LEMD3: variants seen among roughly 807,000 people sequenced by gnomAD.
LEMD3 encodes inner nuclear membrane protein Man1.
Under a neutral mutation model 95.2 loss-of-function variants are expected in LEMD3, and 33 were observed. The observed-to-expected ratio is 0.35, with a 90% confidence interval of 0.26 to 0.46. LEMD3 has a LOEUF of 0.46. LEMD3 is among the 20% of genes least tolerant of loss of function. The pLI, the probability that LEMD3 is intolerant of heterozygous loss-of-function variation, is 1.00. For missense variants in LEMD3, 1,210 were observed against 1,192.8 expected, an observed-to-expected ratio of 1.01 and a Z score of -0.21; for synonymous variants, 525 against 474.6, an observed-to-expected ratio of 1.11 and a Z score of -1.38.
At chr12:65,183,515 G>T (rs1356998592) in intron 1 of LEMD3, among the ~76,000 whole-genome samples, 2 of 152,152 alleles carry the variant, frequency 1.3e-5, no homozygotes, top group Non-Finnish European at 2.9e-5. Context: ...ATTTTCAGAA[G>T]ATCTTTGTAA....
intron 1 of LEMD3, among the ~76,000 whole-genome samples, chr12:65,192,995 TAAGTTAA>T (rs1268720260): frequency 6.6e-6 from 1 of 152,188 alleles, no homozygotes; most frequent in Non-Finnish European, 1.5e-5. Context: ...GCAAGAATCT[TAAGTTAA>T]ATACATGTTT....
In LEMD3 at chr12:65,170,375, A is replaced by C; in HGVS notation, c.779A>C (p.Asp260Ala). 1.9e-6 allele frequency: 3 copies of C among 1,613,672 alleles called. No homozygotes were observed. The highest frequency in any genetic ancestry group is 2.5e-6 in the Non-Finnish European group (3 of 1,179,830). ...VPYSCRENYS[D>A]SEEEDDDDVA... ...TACAGCTGCCGGGAAAACTATTCGG[A>C]CTCAGAGGAAGAGGACGACGACGAC... Residue 260 changes from aspartate to alanine, a missense_variant, in exon 1 of 13, where the codon GAC (aspartate) becomes GCC (alanine). This residue lies in a region of LEMD3 where 749 missense variants were observed against 622.9 expected (regional missense o/e 1.20). Coordinates refer to ENST00000308330, the MANE Select transcript of LEMD3 (RefSeq NM_014319.5).
chr12:65,225,086 A>C (rs1870407707), intron 4 of LEMD3, among the ~76,000 whole-genome samples: 1 of 152,114 alleles, frequency 6.6e-6, no homozygotes, highest in Non-Finnish European at 1.5e-5. Context: ...CTGGGTTTTA[A>C]AAATATTTTC....
intron 4 of LEMD3, among the ~76,000 whole-genome samples, chr12:65,237,824 G>A (rs1332436810): frequency 6.6e-6 from 1 of 152,154 alleles, no homozygotes; most frequent in East Asian, 1.9e-4. Flanking sequence ...TTAGTTGATA[G>A]GCTTACTGCT....
intron 1 of LEMD3, among the ~76,000 whole-genome samples, chr12:65,209,828 G>A (rs1869884484): frequency 6.6e-6 from 1 of 151,898 alleles, no homozygotes; most frequent in Admixed American, 6.6e-5. Flanking sequence ...GCAGTTCCTG[G>A]TTCCTATGGG....
intron 3 of LEMD3, among the ~76,000 whole-genome samples, chr12:65,217,678 G>T (rs1288646384): frequency 1.3e-5 from 2 of 152,146 alleles, no homozygotes; most frequent in African/African-American, 4.8e-5. Flanking sequence ...AAAAAGCCCT[G>T]AATTCGCTTC....
At chr12:65,222,562 T>C (rs931779493) in intron 4 of LEMD3, among the ~76,000 whole-genome samples, 2 of 152,158 alleles carry the variant, frequency 1.3e-5, no homozygotes, top group African/African-American at 4.8e-5. Flanking sequence ...ATTTTTTTCT[T>C]AGTCTAGTTA....
At chr12:65,201,019 G>A (rs1040749410) in intron 1 of LEMD3, among the ~76,000 whole-genome samples, 3 of 152,142 alleles carry the variant, frequency 2.0e-5, no homozygotes, top group African/African-American at 7.2e-5. Context: ...TTGCATGTGA[G>A]TATCCAGGTG....
At chr12:65,204,883 T>C (rs1355641562) in intron 1 of LEMD3, among the ~76,000 whole-genome samples, 3 of 152,160 alleles carry the variant, frequency 2.0e-5, no homozygotes, top group Non-Finnish European at 4.4e-5. Context: ...TAATGTGGAA[T>C]TAGTGCTTGA....
chr12:65,220,196 C>T (rs1870240985), intron 4 of LEMD3, among the ~76,000 whole-genome samples: 1 of 152,160 alleles, frequency 6.6e-6, no homozygotes, highest in Non-Finnish European at 1.5e-5. Context: ...TTCTGCCTAT[C>T]CTTAACACTT....
At position 65,197,682 on chromosome 12, in the gene LEMD3, C is replaced by T. The variant is rs555736207; in HGVS notation, c.1523-13244C>T. ...ATATATATCAGTTTTAAGCACATTTCTCATAAAGTCAATGACGGGAACTTC... is the reference window on the plus strand; with the variant it reads ...ATATATATCAGTTTTAAGCACATTTTTCATAAAGTCAATGACGGGAACTTC... On this transcript the variant is annotated intron_variant, in intron 1 of 12. Transcript: ENST00000308330. Among the ~76,000 whole-genome samples the T allele has an allele frequency of 1.1e-3, 164 of 152,170 alleles. 1 individual carries two copies. Among genetic ancestry groups the T allele is most frequent in the Non-Finnish European group, 1.8e-3 (125 of 67,968 alleles).
intron 4 of LEMD3, among the ~76,000 whole-genome samples, chr12:65,233,565 A>T (rs1870690800): frequency 6.6e-6 from 1 of 152,152 alleles, no homozygotes; most frequent in South Asian, 2.1e-4. Context: ...AATTAATTTT[A>T]AAAGGTGCCA....
chr12:65,207,183 T>A (rs1315314761), intron 1 of LEMD3, among the ~76,000 whole-genome samples: 1 of 152,186 alleles, frequency 6.6e-6, no homozygotes, highest in Non-Finnish European at 1.5e-5. Context: ...CATAATTTCC[T>A]TTTTATTCAA....
At chr12:65,178,741 T>C (rs545877809) in intron 1 of LEMD3, among the ~76,000 whole-genome samples, 91 of 152,308 alleles carry the variant, frequency 6.0e-4, no homozygotes, top group African/African-American at 1.9e-3. Flanking sequence ...CCCAGGGTCA[T>C]GTAGCTAGTA....
intron 3 of LEMD3, among the ~76,000 whole-genome samples, 177 bp downstream of exon 3, chr12:65,216,220 T>A (rs1369601482): frequency 6.6e-6 from 1 of 151,868 alleles, no homozygotes; most frequent in Non-Finnish European, 1.5e-5. Context: ...TAATGAAGGC[T>A]TTTTTCCTGC....
chr12:65,170,779 G>A lies in LEMD3; in HGVS notation c.1183G>A (p.Gly395Ser). Reference protein sequence around the residue: ...SLLKTNNHIGGGAFSVDSPRI... With the variant: ...SLLKTNNHIGSGAFSVDSPRI... ...TCTGAAAACCAATAATCATATTGGC[G>A]GTGGGGCCTTCAGTGTGGACTCCCC... Residue 395 changes from glycine (G) to serine (S), a missense_variant, in exon 1 of 13, where the codon GGT (glycine) becomes AGT (serine). By Grantham distance (56) the Gly-to-Ser change is moderately conservative (BLOSUM62 0). Coordinates refer to ENST00000308330, the MANE Select transcript of LEMD3 (RefSeq NM_014319.5). 2 of 1,614,168 alleles carry A rather than the reference G, an allele frequency of 1.2e-6. No individual in the cohort carries two copies. Among genetic ancestry groups the A allele is most frequent in the Non-Finnish European group, 8.5e-7 (1 of 1,180,032 alleles).
chr12:65,218,629 G>T lies in LEMD3; in HGVS notation c.1695+10G>T. ...AGCTGCGTATTTAAAAGTAAGCAAT[G>T]AAATTAGAATTTTAATAGCTATATT... On this transcript the variant is annotated intron_variant, in intron 4 of 12. Coordinates refer to ENST00000308330, the MANE Select transcript of LEMD3 (RefSeq NM_014319.5). 6.4e-7 allele frequency: 1 copy of T among 1,561,358 alleles called. No homozygotes were observed. The highest frequency in any genetic ancestry group is 1.1e-5 in the South Asian group (1 of 87,676).
At chr12:65,178,385 ATC>A (rs1448734907) in intron 1 of LEMD3, among the ~76,000 whole-genome samples, 2 of 152,202 alleles carry the variant, frequency 1.3e-5, no homozygotes, top group Non-Finnish European at 2.9e-5. Flanking sequence ...AAACTTGTGA[ATC>A]TCTACAGATA....
In LEMD3 at chr12:65,170,276, G is replaced by T; in HGVS notation, c.680G>T (p.Gly227Val). Residue 227 changes from glycine to valine, a missense_variant, in exon 1 of 13, where the codon GGT becomes GTT. By Grantham distance (109) the Gly-to-Val change is moderately radical. This residue lies in a region of LEMD3 where 749 missense variants were observed against 622.9 expected (regional missense o/e 1.20). Coordinates refer to ENST00000308330, the MANE Select transcript of LEMD3 (RefSeq NM_014319.5). The part of the protein sequence containing the change: ...VEDEEGEGED[G>V]EERDPETEEP... ...GACGAGGAAGGGGAGGGAGAGGACG[G>T]TGAGGAGAGGGACCCGGAGACCGAG... The T allele has an allele frequency of 6.4e-7, 1 of 1,569,690 alleles. No individual in the cohort carries two copies. The highest frequency in any genetic ancestry group is 8.6e-7 in the Non-Finnish European group (1 of 1,157,370).
Sources: allele counts gnomAD v4.1 joint callset (sites outside exome capture counted in the v4.1 genomes callset), GRCh38; gene constraint gnomAD v4.1.1; regional missense constraint gnomAD v4.1.1; transcripts MANE v1.5; gene names NCBI Gene and HGNC (gene_info 2026-07-23, HGNC 2026-07-21).